RAP1GAP2: variants seen among roughly 807,000 people sequenced by gnomAD.
RAP1GAP2 encodes the protein rap1 GTPase-activating protein 2.
Under a neutral mutation model 95.0 loss-of-function variants are expected in RAP1GAP2, and 27 were observed. The ratio of observed to expected loss-of-function variants is 0.28; its 90% CI spans 0.21 to 0.39. RAP1GAP2 has a LOEUF of 0.39. Among genes scored for constraint, RAP1GAP2 ranks in the 10% least tolerant of loss-of-function variants. The pLI is 1.00. For missense variants in RAP1GAP2, 771 were observed against 970.0 expected, an observed-to-expected ratio of 0.79 and a Z score of 2.72; for synonymous variants, 373 against 380.9, an observed-to-expected ratio of 0.98 and a Z score of 0.24.
At position 2,957,765 on chromosome 17, in the gene RAP1GAP2, G is replaced by A. The variant is rs750248839; in HGVS notation, c.172G>A (p.Glu58Lys). 6.2e-7 allele frequency: 1 copy of A among 1,607,770 alleles called. No homozygotes were observed. Among genetic ancestry groups the A allele is most frequent in the South Asian group, 1.1e-5 (1 of 90,158 alleles). ...LTAPPTMKSSEFFEMLEKMQG... is the reference protein window; with the variant it reads ...LTAPPTMKSSKFFEMLEKMQG... ...CCCTGCTTTTGTCTTTCAGTCGTCGGAGTTCTTTGAGATGCTGGAGAAAAT... is the reference window on the plus strand; with the variant it reads ...CCCTGCTTTTGTCTTTCAGTCGTCGAAGTTCTTTGAGATGCTGGAGAAAAT... The change falls in exon 4 of 25, where the codon GAG (glutamate) becomes AAG (lysine). Residue 58 changes from glutamate to lysine, a missense_variant. Physicochemically the swap from Glu to Lys is moderately conservative, Grantham distance 56 (BLOSUM62 1). Transcript: ENST00000254695.
intron 3 of RAP1GAP2, among the ~76,000 whole-genome samples, chr17:2,930,390 G>T (rs190613679): frequency 2.0e-5 from 3 of 152,362 alleles, no homozygotes; most frequent in Admixed American, 2.0e-4. Flanking sequence ...CCTGCCCTGC[G>T]TCCACTGCCA....
chr17:2,808,165 G>C (rs2069601781), intron 2 of RAP1GAP2, among the ~76,000 whole-genome samples: 1 of 152,116 alleles, frequency 6.6e-6, no homozygotes, highest in African/African-American at 2.4e-5. Flanking sequence ...ATCTTTCTTG[G>C]TGGTGTGACA....
chr17:2,842,004 C>A (rs558527798), intron 2 of RAP1GAP2, among the ~76,000 whole-genome samples: 26 of 152,174 alleles, frequency 1.7e-4, no homozygotes, highest in Non-Finnish European at 3.5e-4. Flanking sequence ...AGCCTCAACC[C>A]TCTCTACAGC....
intron 3 of RAP1GAP2, among the ~76,000 whole-genome samples, chr17:2,936,549 C>T (rs2043317768): frequency 6.6e-6 from 1 of 151,990 alleles, no homozygotes; most frequent in Non-Finnish European, 1.5e-5. Context: ...TAGTAACAGG[C>T]TGTGTGACCT....
chr17:2,943,332 A>G (rs1339661545), intron 3 of RAP1GAP2, among the ~76,000 whole-genome samples: 2 of 152,206 alleles, frequency 1.3e-5, no homozygotes, highest in African/African-American at 4.8e-5. Flanking sequence ...TAAAATGTAT[A>G]AGGAACTCCT....
intron 2 of RAP1GAP2, among the ~76,000 whole-genome samples, chr17:2,824,983 C>T (rs2070485144): frequency 6.6e-6 from 1 of 152,086 alleles, no homozygotes; most frequent in African/African-American, 2.4e-5. Flanking sequence ...GTTGCTCTGT[C>T]CCCCAGGCTG....
upstream of RAP1GAP2, among the ~76,000 whole-genome samples, chr17:2,793,451 G>A (rs2068982545): frequency 6.6e-6 from 1 of 152,198 alleles, no homozygotes; most frequent in Admixed American, 6.5e-5. Flanking sequence ...ACTGCACCCG[G>A]CCTGCAACAG....
In RAP1GAP2 at chr17:3,008,776, T is replaced by C. The variant is rs562648009; in HGVS notation, c.1494+631T>C. Among the ~76,000 whole-genome samples the C allele has an allele frequency of 3.3e-5, 5 of 152,326 alleles. No homozygotes were observed. The East Asian group carries it at 7.7e-4, about 24-fold the overall frequency. ...GGCGTGTGGTAGAGGTTTTTCATCT[T>C]ATGCTTGCTGAGTGCTTGTTGGTCC... On this transcript the variant is annotated intron_variant, in intron 17 of 24. Coordinates refer to ENST00000254695, the MANE Select transcript of RAP1GAP2 (RefSeq NM_015085.5). The surrounding 1 kb of genome is among the most constrained non-coding windows in gnomAD (Gnocchi z 4.2).
intron 3 of RAP1GAP2, among the ~76,000 whole-genome samples, chr17:2,919,679 C>T (rs2042685647): frequency 6.6e-6 from 1 of 152,098 alleles, no homozygotes; most frequent in Admixed American, 6.6e-5. Context: ...GCCCTCCTTC[C>T]TTAGCCCTCT....
Position 2,825,401 on chromosome 17 carries a change from T to C in RAP1GAP2, c.80+24851T>C, listed in dbSNP as rs1484337930. ...ATACAGGAAGCAAGAACATGAGTGT[T>C]CACGCTTTGACTGAGCTGTTGACAG... On this transcript the variant is annotated intron_variant, in intron 2 of 24. Transcript: ENST00000254695. The surrounding 1 kb of genome is among the most constrained non-coding windows in gnomAD (Gnocchi z 4.1). 3.3e-5 allele frequency among the ~76,000 whole-genome samples: 5 copies of C among 152,124 alleles called. No homozygotes were observed. The highest frequency in any genetic ancestry group is 9.7e-5 in the African/African-American group (4 of 41,444).
At chr17:2,841,965 T>C (rs1597415230) in intron 2 of RAP1GAP2, among the ~76,000 whole-genome samples, 1 of 152,334 alleles carries the variant, frequency 6.6e-6, no homozygotes, top group East Asian at 1.9e-4. Context: ...CTGTGGCAGC[T>C]GCCTGTGCAA....
chr17:2,782,743 C>T (rs927087941), intron 1 of RAP1GAP2, among the ~76,000 whole-genome samples: 3 of 152,134 alleles, frequency 2.0e-5, no homozygotes, highest in African/African-American at 4.8e-5. Context: ...TGGCCAGGCG[C>T]GGTGGCCCAT....
chr17:2,828,183 A>G (rs1389578584), intron 2 of RAP1GAP2, among the ~76,000 whole-genome samples: 1 of 152,138 alleles, frequency 6.6e-6, no homozygotes, highest in East Asian at 1.9e-4. Flanking sequence ...TCTACTAAAA[A>G]TACAAAAATT....
intron 1 of RAP1GAP2, among the ~76,000 whole-genome samples, chr17:2,766,151 C>CCAA (rs2068271820): frequency 6.6e-6 from 1 of 152,118 alleles, no homozygotes; most frequent in Non-Finnish European, 1.5e-5. Context: ...CTGCAGCAAC[C>CCAA]CAACCTCTTT....
In RAP1GAP2 at chr17:2,998,155, C is replaced by G. The variant is rs998604091; in HGVS notation, c.1045-66C>G. The G allele has an allele frequency of 7.1e-5, 109 of 1,541,422 alleles. 1 individual carries two copies. The highest frequency in any genetic ancestry group is 5.9e-4 in the African/African-American group (43 of 73,494). On this transcript the variant is annotated intron_variant, in intron 13 of 24. Coordinates refer to ENST00000254695, the MANE Select transcript of RAP1GAP2 (RefSeq NM_015085.5). Reference sequence around the variant, plus strand: ...GTGTGCAAAGGAAAGTGAACCCACTCTTTCCCCAAAACATCTTTCATGATT... The same window carrying G: ...GTGTGCAAAGGAAAGTGAACCCACTGTTTCCCCAAAACATCTTTCATGATT...
At chr17:2,858,881 C>G (rs1054820292) in intron 2 of RAP1GAP2, among the ~76,000 whole-genome samples, 2 of 151,998 alleles carry the variant, frequency 1.3e-5, no homozygotes, top group Non-Finnish European at 2.9e-5. Context: ...CATTGCACTC[C>G]AGCCTGGGCA....
At chr17:2,939,790 C>G (rs1447945116) in intron 3 of RAP1GAP2, among the ~76,000 whole-genome samples, 1 of 152,232 alleles carries the variant, frequency 6.6e-6, no homozygotes, top group African/African-American at 2.4e-5. Flanking sequence ...GGAAGGGACC[C>G]CCTTGCCCTT....
At chr17:2,798,526 C>T (rs887504669) in intron 1 of RAP1GAP2, among the ~76,000 whole-genome samples, 5 of 152,134 alleles carry the variant, frequency 3.3e-5, no homozygotes, top group Admixed American at 6.5e-5. Flanking sequence ...GGGGGTGTCA[C>T]GGATTCCTGG....
intron 3 of RAP1GAP2, among the ~76,000 whole-genome samples, chr17:2,922,283 T>C (rs1233190985): frequency 6.6e-6 from 1 of 152,190 alleles, no homozygotes; most frequent in African/African-American, 2.4e-5. Flanking sequence ...TTCCCGAGGG[T>C]GGAACCTTTA....
Sources: gnomAD v4.1 joint callset for allele counts (sites outside exome capture counted in the v4.1 genomes callset) on GRCh38, gnomAD v4.1.1 for gene constraint, Gnocchi (gnomAD v3.1) non-coding constraint, MANE v1.5 for transcripts, NCBI Gene and HGNC (gene_info 2026-07-23, HGNC 2026-07-21) for gene names.